Variants in CDHR2 observed in about 807,000 individuals in gnomAD.
CDHR2 encodes cadherin related family member 2, also known as cadherin-related family member 2.
CDHR2 carries 104 observed loss-of-function variants against 138.6 expected under a neutral mutation model. That is an observed-to-expected ratio of 0.75 (90% confidence interval 0.64 to 0.88). The LOEUF is 0.88. Ranked by LOEUF, CDHR2 falls within the 40% of genes least tolerant of loss-of-function variation. The pLI is 0.00. For synonymous variants in CDHR2, 755 were observed against 742.8 expected, an observed-to-expected ratio of 1.02 and a Z score of -0.27; for missense variants, 1,624 against 1,727.6, an observed-to-expected ratio of 0.94 and a Z score of 1.06.
chr5:176,581,306 C>T (rs1758522633), intron 16 of CDHR2, 37 bp from the exon 17 acceptor site: 4 of 1,605,912 alleles, frequency 2.5e-6, no homozygotes, highest in Admixed American at 3.3e-5. Context: ...GCTGGGAATG[C>T]CGATGGCCGA....
At chr5:176,580,921 G>A (rs1298421763) in intron 16 of CDHR2, among the ~76,000 whole-genome samples, 1 of 152,162 alleles carries the variant, frequency 6.6e-6, no homozygotes, top group Non-Finnish European at 1.5e-5. Flanking sequence ...TAGCACTGAA[G>A]TAGTCATTAT....
chr5:176,581,365 G>A lies in CDHR2; in HGVS notation c.1841G>A (p.Gly614Asp), dbSNP rs1387887096. ...TIQAHDNDEP[G>D]TNNSRLLFNL... is the part of the protein sequence containing the mutation. ...CAGGCCCACGACAATGATGAGCCGG[G>A]CACCAACAACAGCCGTCTGCTCTTC... Residue 614 changes from glycine to aspartate, a missense_variant, in exon 17 of 32, where the codon GGC becomes GAC. Physicochemically the swap from Gly to Asp is moderately conservative, Grantham distance 94. Transcript: ENST00000261944. The A allele has an allele frequency of 3.1e-6, 5 of 1,613,594 alleles. No homozygotes were observed. Among genetic ancestry groups the A allele is most frequent in the African/African-American group, 2.7e-5 (2 of 74,922 alleles).
At chr5:176,566,589 G>T (rs1471451201) in intron 3 of CDHR2, among the ~76,000 whole-genome samples, 4 of 152,196 alleles carry the variant, frequency 2.6e-5, no homozygotes, top group African/African-American at 9.6e-5. Context: ...TGCCCTCCCT[G>T]CAGGGCTTGA....
At chr5:176,579,870 G>A (rs1401629294) in intron 16 of CDHR2, among the ~76,000 whole-genome samples, 2 of 152,114 alleles carry the variant, frequency 1.3e-5, no homozygotes, top group African/African-American at 4.8e-5. Flanking sequence ...CCCCCCAGGC[G>A]GCTCCCAGTT....
At chr5:176,571,329 G>A (rs1358805628) in intron 6 of CDHR2, 27 bp downstream of exon 6, 2 of 1,529,168 alleles carry the variant, frequency 1.3e-6, no homozygotes, top group Non-Finnish European at 1.8e-6. Flanking sequence ...TGTGGTTGTG[G>A]GGCAGGGGGC....
At chr5:176,568,338 C>A (rs1413618806) in intron 3 of CDHR2, among the ~76,000 whole-genome samples, 1 of 152,234 alleles carries the variant, frequency 6.6e-6, no homozygotes, top group Non-Finnish European at 1.5e-5. Flanking sequence ...AGTCTGCACC[C>A]AGATGCTGCA....
chr5:176,561,701 A>G (rs1757971835), intron 1 of CDHR2, among the ~76,000 whole-genome samples: 1 of 147,204 alleles, frequency 6.8e-6, no homozygotes, highest in Non-Finnish European at 1.5e-5. Context: ...GTACAGTGGC[A>G]TGATCTCGAC....
At chr5:176,584,329 G>A (rs532426343) in intron 18 of CDHR2, 70 bp downstream of exon 18, 24 of 1,613,464 alleles carry the variant, frequency 1.5e-5, no homozygotes, top group South Asian at 6.6e-5. Context: ...GGTGGACCTC[G>A]AGTTCCAAGA....
At chr5:176,557,673 T>C (rs891259044) in intron 1 of CDHR2, among the ~76,000 whole-genome samples, 1 of 136,576 alleles carries the variant, frequency 7.3e-6, no homozygotes, top group African/African-American at 2.7e-5. Flanking sequence ...TAAGTCATTA[T>C]CTGTTGATTT....
intron 28 of CDHR2, 133 bp from the exon 29 acceptor site, chr5:176,591,077 C>A: frequency 1.5e-6 from 1 of 655,246 alleles, no homozygotes. Flanking sequence ...TTCTCTGGCT[C>A]TTACTTCTAC....
chr5:176,548,211 G>A (rs986321191), upstream of CDHR2, among the ~76,000 whole-genome samples: 1 of 152,252 alleles, frequency 6.6e-6, no homozygotes, highest in Non-Finnish European at 1.5e-5. Flanking sequence ...TGTGTGGTTC[G>A]TTGTTGACCA....
At chr5:176,558,677 G>A (rs376784687) in intron 1 of CDHR2, among the ~76,000 whole-genome samples, 12 of 152,024 alleles carry the variant, frequency 7.9e-5, no homozygotes, top group African/African-American at 2.9e-4. Flanking sequence ...GAGCCACCGC[G>A]CCTGGCTAAT....
chr5:176,569,131 G>A (rs1024334615), intron 5 of CDHR2, 121 bp downstream of exon 5: 24 of 785,006 alleles, frequency 3.1e-5, no homozygotes, highest in African/African-American at 7.0e-5. Context: ...TATTTATATC[G>A]AGATTATACT....
chr5:176,551,714 T>TTC (rs1459982182), intron 1 of CDHR2, among the ~76,000 whole-genome samples: 1 of 148,992 alleles, frequency 6.7e-6, no homozygotes, highest in African/African-American at 2.5e-5. Context: ...TTTTTTTTTT[T>TTC]TTTTTGAGAC....
At chr5:176,571,895 T>TCAAATCATATCTTGATTTGATTTGAGC (rs1393199632) in intron 6 of CDHR2, among the ~76,000 whole-genome samples, 1 of 152,130 alleles carries the variant, frequency 6.6e-6, no homozygotes, top group African/African-American at 2.4e-5. Context: ...ATCCAGGTAC[T>TCAAATCATATCTTGATTTGATTTGAGC]CAAATCATAT....
chr5:176,595,456 C>A, intron 31 of CDHR2, 76 bp from the exon 32 acceptor site: 1 of 1,428,354 alleles, frequency 7.0e-7, no homozygotes, highest in Non-Finnish European at 9.3e-7. Flanking sequence ...GCTTGAAGCC[C>A]ATCCACTCCC....
At chr5:176,591,138 A>C (rs1329112783) in intron 28 of CDHR2, 72 bp from the exon 29 acceptor site, 1 of 1,028,348 alleles carries the variant, frequency 9.7e-7, no homozygotes, top group Non-Finnish European at 1.5e-6. Flanking sequence ...GTGAAGCCAC[A>C]GGCTCAGGGC....
chr5:176,581,422 TCTC>T lies in CDHR2; in HGVS notation c.1901_1903del (p.Ser634del). On this transcript the variant is annotated inframe_deletion, in exon 17 of 32. Transcript: ENST00000261944. ...CTGCCTGGCCCCTACAGCCACAACT[TCTC>T]CTTGGACCCTGACACAGGGCTCCTC... 1 of 1,614,074 alleles carries T rather than the reference TCTC, an allele frequency of 6.2e-7. No individual in the cohort carries two copies.
chr5:176,565,426 C>A lies in CDHR2; in HGVS notation c.52+22C>A, dbSNP rs750114139. 5.6e-6 allele frequency: 9 copies of A among 1,610,948 alleles called. No homozygotes were observed. In the South Asian group the frequency reaches 9.9e-5, roughly 18 times the overall value. On this transcript the variant is annotated intron_variant, in intron 2 of 31. Coordinates refer to ENST00000261944, the MANE Select transcript of CDHR2 (RefSeq NM_017675.6). ...TCTGGTAGGTGTCTCCCCTCCCCAG[C>A]CACGCAGCCCTAACCTAGAGACCCT...
Sources: gnomAD v4.1 joint callset for allele counts (sites outside exome capture counted in the v4.1 genomes callset) on GRCh38, gnomAD v4.1.1 for gene constraint, MANE v1.5 for transcripts, NCBI Gene and HGNC (gene_info 2026-07-23, HGNC 2026-07-21) for gene names.